FBXL7: variants seen among roughly 807,000 people sequenced by gnomAD.
FBXL7 encodes F-box and leucine rich repeat protein 7.
Under a neutral mutation model 38.3 loss-of-function variants are expected in FBXL7, and 12 were observed. The ratio of observed to expected loss-of-function variants is 0.31; its 90% CI spans 0.20 to 0.51. The LOEUF is 0.51. Among genes scored for constraint, FBXL7 ranks in the 20% least tolerant of loss-of-function variants. The pLI, the probability that FBXL7 is intolerant of heterozygous loss-of-function variation, is 0.98. For missense variants in FBXL7, 567 were observed against 676.4 expected (o/e 0.84, Z 1.79); for synonymous variants, 297 against 300.9 (o/e 0.99, Z 0.13).
intron 2 of FBXL7, among the ~76,000 whole-genome samples, chr5:15,772,901 GT>G (rs36002508): frequency 0.19 from 27,651 of 147,114 alleles, 2,482 homozygotes; most frequent in South Asian, 0.24. Context: ...GTGAGACTTT[GT>G]TTTTTTTTTT....
chr5:15,540,967 C>T (rs893913487), intron 1 of FBXL7, among the ~76,000 whole-genome samples: 1 of 152,024 alleles, frequency 6.6e-6, no homozygotes, highest in Admixed American at 6.6e-5. Context: ...ACCATTGACC[C>T]TAGGTTTATT....
intron 2 of FBXL7, among the ~76,000 whole-genome samples, chr5:15,686,429 G>T (rs58334188): frequency 0.25 from 37,414 of 152,058 alleles, 5,550 homozygotes; most frequent in South Asian, 0.38. Context: ...CACTAAGTAG[G>T]CTCCATATCA....
chr5:15,789,984 C>T (rs955970999), intron 2 of FBXL7, among the ~76,000 whole-genome samples: 2 of 152,142 alleles, frequency 1.3e-5, no homozygotes, highest in African/African-American at 2.4e-5. Context: ...CATAGGCCCC[C>T]GTGGCCAGAT....
chr5:15,770,391 T>C (rs1736697694), intron 2 of FBXL7, among the ~76,000 whole-genome samples: 4 of 152,186 alleles, frequency 2.6e-5, no homozygotes. Context: ...AACTTTGCTT[T>C]CCTGATAAAA....
chr5:15,867,823 G>C (rs188074122), intron 2 of FBXL7, among the ~76,000 whole-genome samples: 24 of 152,224 alleles, frequency 1.6e-4, no homozygotes, highest in African/African-American at 5.1e-4. Flanking sequence ...TGGAGGAAAA[G>C]GGCTGGGTGC....
intron 2 of FBXL7, among the ~76,000 whole-genome samples, chr5:15,631,513 TG>T (rs1740995100): frequency 6.6e-6 from 1 of 151,764 alleles, no homozygotes; most frequent in African/African-American, 2.4e-5. Flanking sequence ...CTGACCAACA[TG>T]GTGAAACCCC....
intron 1 of FBXL7, among the ~76,000 whole-genome samples, chr5:15,556,442 T>C (rs1738240909): frequency 6.6e-6 from 1 of 152,144 alleles, no homozygotes; most frequent in Non-Finnish European, 1.5e-5. Context: ...CAGTCACCAA[T>C]TCAAATGCTG....
chr5:15,887,036 A>C (rs1740705048), intron 2 of FBXL7, among the ~76,000 whole-genome samples: 1 of 152,170 alleles, frequency 6.6e-6, no homozygotes, highest in South Asian at 2.1e-4. Flanking sequence ...GAGACAGACA[A>C]ATTGCTTTTT....
chr5:15,937,933 A>G lies in FBXL7; in HGVS notation c.*747A>G, dbSNP rs1235735257. The G allele has an allele frequency of 6.6e-6, 1 of 152,084 alleles. No individual in the cohort carries two copies. The highest frequency in any genetic ancestry group is 6.5e-5 in the Admixed American group (1 of 15,274). The allele number at this position is 152,084 out of a possible 1,614,324, so 9.4% of individuals were successfully genotyped here. On this transcript the variant is annotated 3_prime_UTR_variant, in exon 4 of 4. Transcript: ENST00000504595. The stretch of plus-strand genomic sequence containing the variant: ...ATTGAGGGAGCAGAGATACCCATAC[A>G]CAGAAGCACCTTGGCATAGAGCACC...
intron 2 of FBXL7, among the ~76,000 whole-genome samples, chr5:15,879,452 C>T (rs1740351610): frequency 6.6e-6 from 1 of 152,190 alleles, no homozygotes. Context: ...CCAAGCAAAA[C>T]ATTACCTTTG....
intron 2 of FBXL7, among the ~76,000 whole-genome samples, chr5:15,760,950 A>AT (rs1394622724): frequency 6.6e-6 from 1 of 152,076 alleles, no homozygotes; most frequent in Non-Finnish European, 1.5e-5. Context: ...AAAAAAAAAA[A>AT]GCAGTCCCAT....
chr5:15,881,376 A>G (rs1010934843), intron 2 of FBXL7, among the ~76,000 whole-genome samples: 6 of 152,130 alleles, frequency 3.9e-5, no homozygotes, highest in African/African-American at 1.4e-4. Flanking sequence ...TTATGGCTGA[A>G]TAGTATTTTG....
chr5:15,856,935 A>C (rs538898995), intron 2 of FBXL7, among the ~76,000 whole-genome samples: 1 of 152,196 alleles, frequency 6.6e-6, no homozygotes, highest in Non-Finnish European at 1.5e-5. Flanking sequence ...ATAAACATTC[A>C]TATATATTTA....
intron 1 of FBXL7, among the ~76,000 whole-genome samples, chr5:15,558,099 A>G (rs1301281663): frequency 1.3e-5 from 2 of 152,142 alleles, no homozygotes; most frequent in Non-Finnish European, 2.9e-5. Flanking sequence ...TTGTGAATGT[A>G]ATGAATACCA....
chr5:15,874,262 A>G (rs530839386), intron 2 of FBXL7, among the ~76,000 whole-genome samples: 1 of 152,322 alleles, frequency 6.6e-6, no homozygotes, highest in Non-Finnish European at 1.5e-5. Context: ...TATTGATGAA[A>G]CATGTCTCAA....
At chr5:15,888,365 T>G (rs1740767314) in intron 2 of FBXL7, among the ~76,000 whole-genome samples, 1 of 152,002 alleles carries the variant, frequency 6.6e-6, no homozygotes, top group Non-Finnish European at 1.5e-5. Flanking sequence ...GTAGCTGGGA[T>G]CACAGATGTG....
At chr5:15,727,508 TGTTTTTTA>T (rs2126659132) in intron 2 of FBXL7, among the ~76,000 whole-genome samples, 1 of 152,314 alleles carries the variant, frequency 6.6e-6, no homozygotes, top group East Asian at 1.9e-4. Flanking sequence ...TTTTTTGTTT[TGTTTTTTA>T]GTTTTTTAGA....
chr5:15,778,270 A>G (rs1736908053), intron 2 of FBXL7, among the ~76,000 whole-genome samples: 1 of 152,030 alleles, frequency 6.6e-6, no homozygotes, highest in South Asian at 2.1e-4. Flanking sequence ...TTAAATCCCC[A>G]ACTTTGTTCC....
At chr5:15,742,603 T>C (rs2126676589) in intron 2 of FBXL7, among the ~76,000 whole-genome samples, 1 of 152,324 alleles carries the variant, frequency 6.6e-6, no homozygotes, top group Admixed American at 6.5e-5. Flanking sequence ...ACATTGTAAT[T>C]TGCATTGAAC....
Sources: allele counts gnomAD v4.1 joint callset (sites outside exome capture counted in the v4.1 genomes callset), GRCh38; gene constraint gnomAD v4.1.1; transcripts MANE v1.5; gene names NCBI Gene and HGNC (gene_info 2026-07-23, HGNC 2026-07-21).